The following INSR variants were observed in gnomAD, a reference collection of about 807,000 sequenced individuals.
INSR encodes the protein IR.
A neutral mutation model predicts 142.6 loss-of-function variants in INSR; 67 were observed. The ratio of observed to expected loss-of-function variants is 0.47; its 90% confidence interval spans 0.39 to 0.58. INSR has a LOEUF of 0.58. INSR is among the 20% of genes least tolerant of loss of function. The pLI, the probability that INSR is intolerant of heterozygous loss-of-function variation, is 0.00. For missense variants in INSR, 1,248 were observed against 1,833.2 expected, an observed-to-expected ratio of 0.68 and a Z score of 5.83; for synonymous variants, 756 against 743.1, an observed-to-expected ratio of 1.02 and a Z score of -0.28.
At chr19:7,185,545 T>C (rs1363887743) in intron 2 of INSR, among the ~76,000 whole-genome samples, 1 of 152,086 alleles carries the variant, frequency 6.6e-6, no homozygotes, top group Non-Finnish European at 1.5e-5. Context: ...TGTTAGTTAC[T>C]TAAACATGCA....
chr19:7,138,429 T>A (rs1157783732), intron 13 of INSR, among the ~76,000 whole-genome samples: 1 of 152,070 alleles, frequency 6.6e-6, no homozygotes, highest in Non-Finnish European at 1.5e-5. Context: ...GTCTGCAGTG[T>A]AGTGAGTGAG....
chr19:7,281,579 G>A (rs889731169), intron 1 of INSR, among the ~76,000 whole-genome samples: 3 of 152,108 alleles, frequency 2.0e-5, no homozygotes, highest in Non-Finnish European at 2.9e-5. Context: ...TACTTGGGAG[G>A]AGGAAGCGCG....
intron 17 of INSR, among the ~76,000 whole-genome samples, chr19:7,123,934 A>T (rs1972557016): frequency 6.9e-6 from 1 of 144,910 alleles, no homozygotes; most frequent in South Asian, 2.2e-4. Context: ...AAAATATATA[A>T]AAATAGGCTG....
At chr19:7,251,577 A>T (rs10415205) in intron 2 of INSR, among the ~76,000 whole-genome samples, 48,610 of 150,974 alleles carry the variant, frequency 0.32, 8,190 homozygotes, top group East Asian at 0.54. Context: ...TTTTTTTTTT[A>T]ATGGGCAAAG....
intron 2 of INSR, among the ~76,000 whole-genome samples, chr19:7,197,577 GGTGTGT>G (rs113829911): frequency 0.37 from 20,582 of 56,032 alleles, 6,649 homozygotes; most frequent in East Asian, 0.5. Flanking sequence ...TGTGTGTTTG[GGTGTGT>G]GTGTGTGTGT....
intron 2 of INSR, among the ~76,000 whole-genome samples, chr19:7,220,115 G>A (rs1362542996): frequency 5.3e-5 from 8 of 152,220 alleles, no homozygotes; most frequent in African/African-American, 1.9e-4. Context: ...TGGGAATAGA[G>A]TCCACACAAT....
intron 9 of INSR, 106 bp from the exon 10 acceptor site, chr19:7,153,033 C>CGCCACACAT (rs1973429003): frequency 2.0e-6 from 1 of 491,218 alleles, no homozygotes; most frequent in African/African-American, 3.6e-5. Context: ...ACACCACACA[C>CGCCACACAT]ACACACACCA....
Position 7,125,666 on chromosome 19 carries a change from T to A in INSR, c.3014-139A>T. The A allele has an allele frequency of 8.6e-7, 1 of 1,162,188 alleles. No homozygotes were observed. Among genetic ancestry groups the A allele is most frequent in the Non-Finnish European group, 1.2e-6 (1 of 801,322 alleles). The allele number at this position is 1,162,188 out of a possible 1,614,324, so 72.0% of individuals were successfully genotyped here. A position where few individuals can be genotyped will look rare whatever the true frequency, so the allele number is the denominator to read the frequency against. On this transcript the variant is annotated intron_variant, in intron 16 of 21. Coordinates refer to ENST00000302850, the MANE Select transcript of INSR (RefSeq NM_000208.4). This position sits in a 1 kb window ranked among gnomAD's most constrained non-coding sequence, Gnocchi z 4.9. ...GTGATCCAGGACCCATGCCGGGCACTGGGCATATGGCCGAGAACAGGACAG... is the reference window on the plus strand; with the variant it reads ...GTGATCCAGGACCCATGCCGGGCACAGGGCATATGGCCGAGAACAGGACAG...
intron 2 of INSR, among the ~76,000 whole-genome samples, chr19:7,252,882 A>G (rs963190113): frequency 9.2e-5 from 14 of 151,702 alleles, no homozygotes; most frequent in African/African-American, 3.4e-4. Flanking sequence ...CTGGGAGGCC[A>G]AGGCGGGCAG....
intron 2 of INSR, among the ~76,000 whole-genome samples, chr19:7,198,567 C>T (rs1279871198): frequency 6.6e-6 from 1 of 152,090 alleles, no homozygotes; most frequent in African/African-American, 2.4e-5. Flanking sequence ...CCCCTGACCC[C>T]AGGCCTCCCT....
At chr19:7,138,473 C>A (rs1293973064) in intron 13 of INSR, among the ~76,000 whole-genome samples, 2 of 152,036 alleles carry the variant, frequency 1.3e-5, no homozygotes, top group African/African-American at 4.8e-5. Context: ...CTCCTGAGCT[C>A]AAGCAATTCT....
At chr19:7,197,868 G>A (rs1397096824) in intron 2 of INSR, among the ~76,000 whole-genome samples, 1 of 147,574 alleles carries the variant, frequency 6.8e-6, no homozygotes, top group Admixed American at 6.8e-5. Context: ...GAGAGAGTGT[G>A]TGCGCGTGTG....
chr19:7,202,574 A>T (rs1974991592), intron 2 of INSR, among the ~76,000 whole-genome samples: 1 of 151,996 alleles, frequency 6.6e-6, no homozygotes, highest in South Asian at 2.1e-4. Flanking sequence ...ATCTCGGCTC[A>T]CTGCAACCTC....
chr19:7,127,984 C>T (rs557869518), intron 15 of INSR, among the ~76,000 whole-genome samples: 4 of 151,602 alleles, frequency 2.6e-5, no homozygotes, highest in African/African-American at 7.3e-5. Flanking sequence ...CCTCATGATC[C>T]GCCCGCCTCG....
At chr19:7,264,590 C>T (rs1967666233) in intron 2 of INSR, among the ~76,000 whole-genome samples, 3 of 152,202 alleles carry the variant, frequency 2.0e-5, no homozygotes, top group Admixed American at 2.0e-4. Flanking sequence ...AGAAGCAGCT[C>T]ACTTGTTTCT....
In INSR at chr19:7,150,460, C is replaced by T; in HGVS notation, c.2267+37G>A. ...TGCCTGGCACGCCGCCGGCCCTGCGCGGAGCAGGCACCAGGGGTCGCACAG... is the reference window on the plus strand; with the variant it reads ...TGCCTGGCACGCCGCCGGCCCTGCGTGGAGCAGGCACCAGGGGTCGCACAG... On this transcript the variant is annotated intron_variant, in intron 11 of 21. Coordinates refer to ENST00000302850, the MANE Select transcript of INSR (RefSeq NM_000208.4). This position sits in a 1 kb window ranked among gnomAD's most constrained non-coding sequence, Gnocchi z 4.2. The T allele has an allele frequency of 1.2e-6, 2 of 1,609,386 alleles. No individual in the cohort carries two copies. The highest frequency in any genetic ancestry group is 1.3e-5 in the African/African-American group (1 of 74,984).
At chr19:7,200,638 A>C (rs1974926464) in intron 2 of INSR, among the ~76,000 whole-genome samples, 1 of 152,112 alleles carries the variant, frequency 6.6e-6, no homozygotes, top group Non-Finnish European at 1.5e-5. Flanking sequence ...TAGGAGTTCA[A>C]GACCAGCCTG....
rs1973314693 is a variant in INSR at position 7,150,677 on chromosome 19, CG to C, written c.2232-146del. 1.3e-6 allele frequency: 1 copy of C among 747,410 alleles called. No individual in the cohort carries two copies. The highest frequency in any genetic ancestry group is 1.7e-5 in the African/African-American group (1 of 58,748). 46.3% of individuals were successfully genotyped at this position (747,410 alleles called of 1,614,324 possible). A position where few individuals can be genotyped will look rare whatever the true frequency, so the allele number is the denominator to read the frequency against. The stretch of plus-strand genomic sequence containing the variant: ...CCACTCGCTCCCATCACTTGCTAGA[CG>C]GAGTGAGCTACATCTTCCCCAGCAG... On this transcript the variant is annotated intron_variant, in intron 10 of 21. Transcript: ENST00000302850. This position sits in a 1 kb window ranked among gnomAD's most constrained non-coding sequence, Gnocchi z 4.2.
chr19:7,237,079 T>C (rs865845760), intron 2 of INSR, among the ~76,000 whole-genome samples: 7 of 146,066 alleles, frequency 4.8e-5, no homozygotes, highest in African/African-American at 1.8e-4. Flanking sequence ...GGGGAAAGGA[T>C]AGGAAGTGAG....
Sources: gnomAD v4.1 joint callset for allele counts (sites outside exome capture counted in the v4.1 genomes callset) on GRCh38, gnomAD v4.1.1 for gene constraint, Gnocchi (gnomAD v3.1) non-coding constraint, MANE v1.5 for transcripts, NCBI Gene and HGNC (gene_info 2026-07-23, HGNC 2026-07-21) for gene names.